MVP: variants seen among roughly 807,000 people sequenced by gnomAD.
The protein encoded by MVP is major vault protein.
MVP carries 62 observed loss-of-function variants against 83.5 expected under a neutral mutation model. The ratio of observed to expected loss-of-function variants is 0.74; its 90% CI spans 0.61 to 0.92. The LOEUF (loss-of-function observed/expected upper bound fraction) is 0.92. Among genes scored for constraint, MVP ranks in the 40% least tolerant of loss-of-function variants. MVP has a pLI of 0.00. For missense variants in MVP, 1,000 were observed against 1,203.4 expected (o/e 0.83, Z 2.50); for synonymous variants, 505 against 504.1 (o/e 1.00, Z -0.02).
At chr16:29,829,795 GT>G (rs1307093094) in intron 1 of MVP, 1 of 152,286 alleles carries the variant, frequency 6.6e-6, no homozygotes, top group African/African-American at 2.4e-5. Flanking sequence ...TGCAGTGTTA[GT>G]AATGCAGCTG....
At position 29,835,772 on chromosome 16, in the gene MVP, G is replaced by A. The variant is rs748778623; in HGVS notation, c.646G>A (p.Val216Met). The A allele has an allele frequency of 3.7e-6, 6 of 1,613,874 alleles. No homozygotes were observed. In the Admixed American group the frequency reaches 6.7e-5, roughly 18 times the overall value. The change falls in exon 6 of 15, where the codon GTG (valine) becomes ATG (methionine). Residue 216 changes from valine (V) to methionine (M), a missense_variant. Transcript: ENST00000357402. ...GGTGTTTGAGGAGGTTCTGGATTTG[G>A]TGGACGCCGTCATCCTTACGGAAAA... is the stretch of plus-strand genomic sequence containing the variant. ...PAVFEEVLDL[V>M]DAVILTEKTA...
chr16:29,840,936 CA>C (rs532871698), intron 8 of MVP, among the ~76,000 whole-genome samples: 2 of 150,184 alleles, frequency 1.3e-5, no homozygotes, highest in East Asian at 2.0e-4. Flanking sequence ...GAGACTCTGT[CA>C]AAAAAAAATA....
intron 5 of MVP, 101 bp from the exon 6 acceptor site, chr16:29,835,603 C>A: frequency 1.1e-6 from 1 of 914,982 alleles, no homozygotes; most frequent in Non-Finnish European, 1.7e-6. Context: ...TATCTTTTTG[C>A]CTATGAAATC....
chr16:29,847,398 G>A lies in MVP; in HGVS notation c.2454+13G>A. ...GCCTGAGATGCAGGTGAGAGTTGGG[G>A]AAGGTGTGTTGGTTTCAGGACCAAC... On this transcript the variant is annotated intron_variant, in intron 14 of 14. Transcript: ENST00000357402. The A allele has an allele frequency of 6.5e-7, 1 of 1,531,022 alleles. No homozygotes were observed. The highest frequency in any genetic ancestry group is 1.4e-5 in the African/African-American group (1 of 71,992). 94.8% of individuals were successfully genotyped at this position (1,531,022 alleles called of 1,614,324 possible).
At chr16:29,845,809 C>A in intron 11 of MVP, 54 bp from the exon 12 acceptor site, 2 of 1,550,330 alleles carry the variant, frequency 1.3e-6, no homozygotes, top group South Asian at 1.1e-5. Flanking sequence ...CTTGGCGCTC[C>A]TGTTCCTGCT....
chr16:29,844,633 A>ATAAG lies in MVP; in HGVS notation c.1776_1779dup (p.Asn594Ter). On this transcript the variant is annotated frameshift_variant, in exon 11 of 15. Transcript: ENST00000357402. LOFTEE classifies it high-confidence loss of function. The stretch of plus-strand genomic sequence containing the variant: ...GCCTCTGTCACTTTCGATGACTTCC[A>ATAAG]TAAGAACTCAGCCCGCATCATTCGC... 6.2e-7 allele frequency: 1 copy of ATAAG among 1,614,150 alleles called. No homozygotes were observed. Among genetic ancestry groups the ATAAG allele is most frequent in the Non-Finnish European group, 8.5e-7 (1 of 1,179,996 alleles).
chr16:29,823,154 A>ACT (rs36045002), intron 1 of MVP, among the ~76,000 whole-genome samples: 21,048 of 114,738 alleles, frequency 0.18, 1,901 homozygotes, highest in African/African-American at 0.27. Flanking sequence ...AGATGGCCTC[A>ACT]CTCTTGCCCA....
intron 7 of MVP, among the ~76,000 whole-genome samples, chr16:29,839,783 C>CA (rs71373206): frequency 0.72 from 34,149 of 47,472 alleles, 12,996 homozygotes; most frequent in South Asian, 0.84. Flanking sequence ...AAGACTATCT[C>CA]AAAAAAAAAA....
rs1489548757 is a variant in MVP, at chr16:29,841,547, C to T, written c.1192-49C>T. On this transcript the variant is annotated intron_variant, in intron 8 of 14. Coordinates refer to ENST00000357402, the MANE Select transcript of MVP (RefSeq NM_005115.5). This position sits in a 1 kb window ranked among gnomAD's most constrained non-coding sequence, Gnocchi z 4.7. ...GCTTTGGGACAGCTGGGCGGATCTT[C>T]CTCCCTTCCACCCTTACGGGCAGCT... is the stretch of plus-strand genomic sequence containing the variant. The T allele has an allele frequency of 6.6e-7, 1 of 1,523,600 alleles. No individual in the cohort carries two copies. Among genetic ancestry groups the T allele is most frequent in the East Asian group, 2.3e-5 (1 of 44,022 alleles). The allele number at this position is 1,523,600 out of a possible 1,614,324, so 94.4% of individuals were successfully genotyped here.
At chr16:29,834,193 CT>C in intron 5 of MVP, 127 bp downstream of exon 5, 1 of 1,303,456 alleles carries the variant, frequency 7.7e-7, no homozygotes, top group Non-Finnish European at 1.0e-6. Context: ...CTTTTGAAAG[CT>C]GTTGAGGGCC....
chr16:29,839,754 C>T (rs2067517605), intron 7 of MVP, among the ~76,000 whole-genome samples: 3 of 135,636 alleles, frequency 2.2e-5, no homozygotes, highest in Non-Finnish European at 4.6e-5. Flanking sequence ...ACTGCACTAT[C>T]CAGCCTGGGC....
intron 11 of MVP, 36 bp from the exon 12 acceptor site, chr16:29,845,827 C>T: frequency 6.3e-7 from 1 of 1,594,474 alleles, no homozygotes; most frequent in East Asian, 2.2e-5. Flanking sequence ...GCTCTGGCCC[C>T]ATGCCAGCCT....
chr16:29,830,709 G>C (rs1476075184), intron 2 of MVP, 35 bp downstream of exon 2: 2 of 1,609,500 alleles, frequency 1.2e-6, no homozygotes, highest in Non-Finnish European at 1.7e-6. Context: ...GGGATCCTTG[G>C]GGATGTGGGG....
rs902442348 is a variant in MVP at position 29,840,187 on chromosome 16, T to C, written c.919T>C (p.Ser307Pro). Reference protein sequence around the residue: ...GQKRVVKGEKSFFLQPGEQLE... With the variant: ...GQKRVVKGEKPFFLQPGEQLE... ...CACGTCTCCCCACTAGGGAGAGAAG[T>C]CTTTTTTCCTCCAGCCAGGAGAGCA... The change falls in exon 8 of 15, where the codon TCT becomes CCT. Residue 307 changes from serine to proline, a missense_variant. By Grantham distance (74) the Ser-to-Pro change is moderately conservative (BLOSUM62 -1). Coordinates refer to ENST00000357402, the MANE Select transcript of MVP (RefSeq NM_005115.5). 1.1e-5 allele frequency: 17 copies of C among 1,609,078 alleles called. No individual in the cohort carries two copies. The highest frequency in any genetic ancestry group is 1.3e-5 in the Non-Finnish European group (15 of 1,177,066).
intron 10 of MVP, among the ~76,000 whole-genome samples, chr16:29,842,937 T>G (rs944421460): frequency 1.3e-5 from 2 of 152,054 alleles, no homozygotes; most frequent in Non-Finnish European, 2.9e-5. Flanking sequence ...CTGGCGGGAG[T>G]GGGCAGTGCA....
intron 10 of MVP, among the ~76,000 whole-genome samples, 176 bp downstream of exon 10, chr16:29,842,288 T>C (rs1199502250): frequency 6.6e-6 from 1 of 152,072 alleles, no homozygotes. Context: ...TTTGTTTTTT[T>C]AGTTTTTTGG....
intron 2 of MVP, 56 bp from the exon 3 acceptor site, chr16:29,830,822 C>T: frequency 6.3e-7 from 1 of 1,584,980 alleles, no homozygotes; most frequent in Non-Finnish European, 8.6e-7. Flanking sequence ...TTGGTGTCCT[C>T]TTTGGTAGTG....
chr16:29,831,979 A>C (rs1365919118), intron 3 of MVP, among the ~76,000 whole-genome samples: 1 of 152,002 alleles, frequency 6.6e-6, no homozygotes, highest in Admixed American at 6.6e-5. Context: ...ACGGGGTTTC[A>C]CCGTGTTAGC....
Position 29,841,902 on chromosome 16 carries a change from G to GCTGTCT in MVP, c.1437-9_1437-4dup, listed in dbSNP as rs755689084. 6.2e-7 allele frequency: 1 copy of GCTGTCT among 1,611,382 alleles called. No homozygotes were observed. Among genetic ancestry groups the GCTGTCT allele is most frequent in the Non-Finnish European group, 8.5e-7 (1 of 1,180,004 alleles). ...TCCATGGGTCTGGCTCTGACCCTCGGCTGTCTCTGCAGCGTGGTCTTCGGG... is the reference window on the plus strand; with the variant it reads ...TCCATGGGTCTGGCTCTGACCCTCGGCTGTCTCTGTCTCTGCAGCGTGGTCTTCGGG... On this transcript the variant is annotated splice_polypyrimidine_tract_variant and intron_variant, in intron 9 of 14. Coordinates refer to ENST00000357402, the MANE Select transcript of MVP (RefSeq NM_005115.5). This position sits in a 1 kb window ranked among gnomAD's most constrained non-coding sequence, Gnocchi z 4.7.
Sources: gnomAD v4.1 joint callset for allele counts (sites outside exome capture counted in the v4.1 genomes callset) on GRCh38, gnomAD v4.1.1 for gene constraint, Gnocchi (gnomAD v3.1) non-coding constraint, MANE v1.5 for transcripts, NCBI Gene and HGNC (gene_info 2026-07-23, HGNC 2026-07-21) for gene names.